SH3RF3: variants seen among roughly 807,000 people sequenced by gnomAD.
SH3RF3 encodes SH3 domain containing ring finger 3, also known as E3 ubiquitin-protein ligase SH3RF3.
A neutral mutation model predicts 66.3 loss-of-function variants in SH3RF3; 29 were observed. That is an observed-to-expected ratio of 0.44 (90% CI 0.33 to 0.60). The LOEUF is 0.60. Ranked by LOEUF, SH3RF3 falls within the 20% of genes least tolerant of loss-of-function variation. The pLI, the probability that SH3RF3 is intolerant of heterozygous loss-of-function variation, is 0.04. For missense variants in SH3RF3, 1,194 were observed against 1,190.9 expected, an observed-to-expected ratio of 1.00 and a Z score of -0.04; for synonymous variants, 583 against 532.0, an observed-to-expected ratio of 1.10 and a Z score of -1.32.
intron 3 of SH3RF3, among the ~76,000 whole-genome samples, chr2:109,394,286 C>T (rs1381738171): frequency 1.3e-5 from 2 of 152,228 alleles, no homozygotes; most frequent in African/African-American, 4.8e-5. Flanking sequence ...CACTCGAGGT[C>T]ACAGAGACCA....
chr2:109,184,947 C>T (rs181377518), intron 1 of SH3RF3, among the ~76,000 whole-genome samples: 1 of 152,268 alleles, frequency 6.6e-6, no homozygotes, highest in African/African-American at 2.4e-5. Context: ...CCATTTATTT[C>T]CACCTGAAAA....
At chr2:109,198,838 G>A (rs1678569311) in intron 1 of SH3RF3, among the ~76,000 whole-genome samples, 1 of 152,212 alleles carries the variant, frequency 6.6e-6, no homozygotes. Flanking sequence ...TTCCCCGGCT[G>A]CAGACCTGTG....
At chr2:109,152,167 G>A (rs1677237759) in intron 1 of SH3RF3, among the ~76,000 whole-genome samples, 1 of 152,214 alleles carries the variant, frequency 6.6e-6, no homozygotes, top group South Asian at 2.1e-4. Flanking sequence ...TTTCTTCCTA[G>A]GAAAAGTGCT....
chr2:109,466,208 G>C (rs781058732), intron 8 of SH3RF3, among the ~76,000 whole-genome samples: 19 of 147,806 alleles, frequency 1.3e-4, no homozygotes, highest in Non-Finnish European at 2.5e-4. Flanking sequence ...TCAGCCTCCC[G>C]AGTAGCTGGG....
intron 5 of SH3RF3, among the ~76,000 whole-genome samples, chr2:109,430,608 T>TA (rs1361586322): frequency 6.6e-6 from 1 of 151,848 alleles, no homozygotes; most frequent in Non-Finnish European, 1.5e-5. Flanking sequence ...CCCTGCACAA[T>TA]ACACAGGTAC....
chr2:109,159,269 C>T lies in SH3RF3; in HGVS notation c.573+29156C>T, dbSNP rs75185264. 5.6e-3 allele frequency among the ~76,000 whole-genome samples: 846 copies of T among 152,306 alleles called. 7 individuals carry two copies. The highest frequency in any genetic ancestry group is 0.019 in the African/African-American group (807 of 41,568). On this transcript the variant is annotated intron_variant, in intron 1 of 9. Transcript: ENST00000309415. ...TGGCCTTCCTGCATGGGCTCTATCC[C>T]GGCGCAGCTGCCTCTCTCTCAGGAC...
rs377178053 is a variant in SH3RF3, at chr2:109,398,793, C to T, written c.1149C>T (p.Thr383=). 1.2e-5 allele frequency: 19 copies of T among 1,613,762 alleles called. No individual in the cohort carries two copies. Among genetic ancestry groups the T allele is most frequent in the South Asian group, 2.2e-5 (2 of 90,966 alleles). The part of the protein sequence containing the change: ...KKNTKKRHSF[T]ALSVTHRSSQ... Reference sequence around the variant, plus strand: ...ACACCAAGAAACGCCACTCCTTCACCGCGCTCAGTGTGACGCACAGATCCT... The same window carrying T: ...ACACCAAGAAACGCCACTCCTTCACTGCGCTCAGTGTGACGCACAGATCCT... The change falls in exon 4 of 10, where the codon ACC becomes ACT. Residue 383 remains threonine, a synonymous_variant. Coordinates refer to ENST00000309415, the MANE Select transcript of SH3RF3 (RefSeq NM_001099289.3).
At chr2:109,424,987 A>G (rs761108715) in intron 5 of SH3RF3, among the ~76,000 whole-genome samples, 2 of 152,240 alleles carry the variant, frequency 1.3e-5, no homozygotes, top group African/African-American at 2.4e-5. Context: ...TAAGTTGTCA[A>G]TGAAAAGAAA....
chr2:109,248,970 C>T (rs1453938145), intron 1 of SH3RF3, among the ~76,000 whole-genome samples: 1 of 151,836 alleles, frequency 6.6e-6, no homozygotes, highest in African/African-American at 2.4e-5. Context: ...CAGCCTCCAA[C>T]TCCTGGGCCT....
At chr2:109,407,327 G>C (rs1278027011) in intron 4 of SH3RF3, among the ~76,000 whole-genome samples, 1 of 152,226 alleles carries the variant, frequency 6.6e-6, no homozygotes, top group Non-Finnish European at 1.5e-5. Flanking sequence ...TCAAAAGACA[G>C]CATTTCTCAA....
intron 1 of SH3RF3, among the ~76,000 whole-genome samples, chr2:109,135,317 G>A (rs375465620): frequency 1.3e-5 from 2 of 152,178 alleles, no homozygotes; most frequent in South Asian, 2.1e-4. Context: ...CCCAGGACAC[G>A]TGGAAGGAGG....
At chr2:109,349,401 C>T (rs750462743) in intron 2 of SH3RF3, among the ~76,000 whole-genome samples, 1 of 152,130 alleles carries the variant, frequency 6.6e-6, no homozygotes, top group Non-Finnish European at 1.5e-5. Context: ...TGCACTGGTG[C>T]CTCCCTCCCT....
At chr2:109,446,672 C>G (rs1001859668) in intron 7 of SH3RF3, among the ~76,000 whole-genome samples, 1 of 152,160 alleles carries the variant, frequency 6.6e-6, no homozygotes, top group African/African-American at 2.4e-5. Context: ...CTGAGGTGAC[C>G]AGGAGCCAGT....
At chr2:109,191,139 A>G (rs995580398) in intron 1 of SH3RF3, among the ~76,000 whole-genome samples, 1 of 152,132 alleles carries the variant, frequency 6.6e-6, no homozygotes, top group African/African-American at 2.4e-5. Context: ...CAGATTGCCA[A>G]TGAGAGTAGA....
chr2:109,196,671 G>C (rs772666779), intron 1 of SH3RF3, among the ~76,000 whole-genome samples: 31 of 152,330 alleles, frequency 2.0e-4, no homozygotes, highest in Middle Eastern at 3.4e-3. Flanking sequence ...AGGTCTGGTT[G>C]CAGTGAGGGG....
At chr2:109,236,097 G>A (rs1337234708) in intron 1 of SH3RF3, among the ~76,000 whole-genome samples, 1 of 151,912 alleles carries the variant, frequency 6.6e-6, no homozygotes, top group Non-Finnish European at 1.5e-5. Context: ...TATGCATGAA[G>A]CTATTCACAT....
intron 4 of SH3RF3, among the ~76,000 whole-genome samples, chr2:109,416,569 G>A (rs577607919): frequency 6.6e-6 from 1 of 151,874 alleles, no homozygotes; most frequent in African/African-American, 2.4e-5. Context: ...ATTTTTAGTA[G>A]AGACGGGGTT....
At chr2:109,335,474 C>T (rs1319349031) in intron 1 of SH3RF3, among the ~76,000 whole-genome samples, 1 of 152,178 alleles carries the variant, frequency 6.6e-6, no homozygotes, top group African/African-American at 2.4e-5. Context: ...ACATGCTCGT[C>T]GACTAGCCCT....
At chr2:109,290,947 TGGGGTGCCCGGCA>T (rs1681153508) in intron 1 of SH3RF3, among the ~76,000 whole-genome samples, 1 of 152,260 alleles carries the variant, frequency 6.6e-6, no homozygotes, top group African/African-American at 2.4e-5. Flanking sequence ...ACTGTTTTCC[TGGGGTGCCCGGCA>T]ATATGCCGGG....
Sources: allele counts gnomAD v4.1 joint callset (sites outside exome capture counted in the v4.1 genomes callset), GRCh38; gene constraint gnomAD v4.1.1; transcripts MANE v1.5; gene names NCBI Gene and HGNC (gene_info 2026-07-23, HGNC 2026-07-21).